Variants in KATNAL1 observed in about 807,000 individuals in gnomAD.
KATNAL1 encodes katanin p60 ATPase-containing subunit A-like 1.
A neutral mutation model predicts 55.2 loss-of-function variants in KATNAL1; 32 were observed. The observed-to-expected ratio is 0.58, with a 90% CI of 0.44 to 0.78. The LOEUF is 0.78. Ranked by LOEUF, KATNAL1 falls within the 30% of genes least tolerant of loss-of-function variation. The pLI, the probability that KATNAL1 is intolerant of heterozygous loss-of-function variation, is 0.00. For synonymous variants in KATNAL1, 193 were observed against 193.6 expected, an observed-to-expected ratio of 1.00 and a Z score of 0.02; for missense variants, 466 against 600.9, an observed-to-expected ratio of 0.78 and a Z score of 2.35.
intron 1 of KATNAL1, among the ~76,000 whole-genome samples, chr13:30,301,455 T>C (rs922793467): frequency 6.6e-6 from 1 of 152,254 alleles, no homozygotes. Flanking sequence ...GCGATGTTTA[T>C]TGAATGCTAA....
intron 4 of KATNAL1, 40 bp from the exon 5 acceptor site, chr13:30,241,126 G>C (rs377738372): frequency 1.9e-5 from 29 of 1,550,938 alleles, no homozygotes; most frequent in Non-Finnish European, 2.3e-5. Context: ...GTCAGTAATG[G>C]ATAATTTAGT....
chr13:30,235,015 T>C lies in KATNAL1; in HGVS notation c.727-3543A>G, dbSNP rs143843135. On this transcript the variant is annotated intron_variant, in intron 6 of 10. Coordinates refer to ENST00000380615, the MANE Select transcript of KATNAL1 (RefSeq NM_032116.5). The stretch of plus-strand genomic sequence containing the variant: ...AAAACCAACCATGTGATTAGAGAGC[T>C]GGGGCTTTGAGCCATGTGGTATCAA... Among the ~76,000 whole-genome samples, 374 of 152,276 alleles carry C rather than the reference T, an allele frequency of 2.5e-3. 1 individual carries two copies. Among genetic ancestry groups the C allele is most frequent in the Admixed American group, 0.011 (175 of 15,294 alleles).
chr13:30,217,791 G>T (rs1254294011), intron 9 of KATNAL1, among the ~76,000 whole-genome samples: 1 of 152,106 alleles, frequency 6.6e-6, no homozygotes, highest in Non-Finnish European at 1.5e-5. Context: ...ACGGTTAGGT[G>T]AGTTGATGCA....
chr13:30,224,510 G>C (rs1875238251), intron 9 of KATNAL1, among the ~76,000 whole-genome samples: 1 of 151,594 alleles, frequency 6.6e-6, no homozygotes, highest in South Asian at 2.1e-4. Flanking sequence ...CTCCAGCCTG[G>C]GTAACAGAGC....
intron 3 of KATNAL1, among the ~76,000 whole-genome samples, chr13:30,271,503 T>TG (rs1246384159): frequency 6.6e-6 from 1 of 151,722 alleles, no homozygotes; most frequent in Non-Finnish European, 1.5e-5. Context: ...AGCAAGAGGT[T>TG]GGGGGGTGCG....
intron 10 of KATNAL1, among the ~76,000 whole-genome samples, chr13:30,209,698 A>G (rs557677604): frequency 6.6e-6 from 1 of 152,404 alleles, no homozygotes; most frequent in African/African-American, 2.4e-5. Flanking sequence ...ATATTACTTT[A>G]GGTTGATGCA....
At chr13:30,251,224 T>C (rs1005296337) in intron 4 of KATNAL1, among the ~76,000 whole-genome samples, 9 of 145,656 alleles carry the variant, frequency 6.2e-5, no homozygotes, top group East Asian at 4.2e-4. Flanking sequence ...TGCTACCTAA[T>C]ATTTTACTTT....
intron 10 of KATNAL1, among the ~76,000 whole-genome samples, chr13:30,209,845 G>A (rs1045317234): frequency 1.1e-4 from 17 of 151,880 alleles, no homozygotes; most frequent in African/African-American, 2.4e-4. Context: ...GCAGTGGCGC[G>A]ATCTCGGCTC....
chr13:30,298,140 A>T (rs1882638478), intron 1 of KATNAL1, among the ~76,000 whole-genome samples: 1 of 152,276 alleles, frequency 6.6e-6, no homozygotes, highest in African/African-American at 2.4e-5. Context: ...CTGGGAAACC[A>T]GAAAATTTGT....
chr13:30,229,768 G>A (rs929371859), intron 8 of KATNAL1, among the ~76,000 whole-genome samples: 1 of 152,068 alleles, frequency 6.6e-6, no homozygotes, highest in African/African-American at 2.4e-5. Context: ...TGTGTGTGGA[G>A]TGTATCTATC....
rs371607943 is a variant in KATNAL1, at chr13:30,283,663, G to C, written c.115C>G (p.His39Asp). ...YQGVMQQIQR[H>D]CQSVRDPAIK... is the part of the protein sequence containing the mutation. ...GCTGGATCTCTGACTGACTGGCAATGTCTCTGAATCTGCTGCATCACCCCC... is the reference window on the plus strand; with the variant it reads ...GCTGGATCTCTGACTGACTGGCAATCTCTCTGAATCTGCTGCATCACCCCC... The change falls in exon 2 of 11, where the codon CAT (histidine) becomes GAT (aspartate). Residue 39 changes from histidine (H) to aspartate (D), a missense_variant. His to Asp is a moderately conservative substitution (Grantham distance 81). Coordinates refer to ENST00000380615, the MANE Select transcript of KATNAL1 (RefSeq NM_032116.5). 1.2e-6 allele frequency: 2 copies of C among 1,613,938 alleles called. No individual in the cohort carries two copies. Among genetic ancestry groups the C allele is most frequent in the Non-Finnish European group, 1.7e-6 (2 of 1,179,948 alleles).
At chr13:30,297,021 G>T (rs534729437) in intron 1 of KATNAL1, among the ~76,000 whole-genome samples, 51 of 152,136 alleles carry the variant, frequency 3.4e-4, no homozygotes, top group African/African-American at 1.2e-3. Context: ...TGTGGTCCTA[G>T]CTACTCAAGA....
chr13:30,242,803 CAA>C (rs899143644), intron 4 of KATNAL1, among the ~76,000 whole-genome samples: 2 of 151,462 alleles, frequency 1.3e-5, no homozygotes, highest in African/African-American at 4.9e-5. Flanking sequence ...TCGAGGACTA[CAA>C]AAAAGATTCT....
At chr13:30,215,046 G>A (rs994904358) in intron 9 of KATNAL1, among the ~76,000 whole-genome samples, 1 of 151,372 alleles carries the variant, frequency 6.6e-6, no homozygotes, top group Non-Finnish European at 1.5e-5. Context: ...CTAATATCCA[G>A]AATCTACAAT....
intron 9 of KATNAL1, among the ~76,000 whole-genome samples, chr13:30,225,215 T>G (rs1265390850): frequency 6.6e-6 from 1 of 152,218 alleles, no homozygotes; most frequent in South Asian, 2.1e-4. Context: ...CCCCCACAGG[T>G]AGAGTTTGTC....
At chr13:30,260,348 C>A (rs1879171957) in intron 3 of KATNAL1, among the ~76,000 whole-genome samples, 1 of 152,206 alleles carries the variant, frequency 6.6e-6, no homozygotes, top group African/African-American at 2.4e-5. Flanking sequence ...AGTTCCTCAC[C>A]AGCAACGCAA....
chr13:30,252,799 G>A (rs1878443167), intron 4 of KATNAL1, among the ~76,000 whole-genome samples: 1 of 151,202 alleles, frequency 6.6e-6, no homozygotes, highest in Non-Finnish European at 1.5e-5. Context: ...CTGGAGTGCA[G>A]TGGCTGGATC....
chr13:30,296,637 G>C, intron 1 of KATNAL1: 2 of 691,948 alleles, frequency 2.9e-6, no homozygotes, highest in Non-Finnish European at 2.7e-6. Flanking sequence ...GTACACGGAC[G>C]AGCACAGGGA....
intron 1 of KATNAL1, among the ~76,000 whole-genome samples, chr13:30,287,435 G>A (rs926003724): frequency 3.3e-5 from 5 of 152,076 alleles, no homozygotes; most frequent in South Asian, 4.1e-4. Context: ...GGTGCCTTCC[G>A]CCATGATTGT....
Sources: gnomAD v4.1 joint callset for allele counts (sites outside exome capture counted in the v4.1 genomes callset) on GRCh38, gnomAD v4.1.1 for gene constraint, MANE v1.5 for transcripts, NCBI Gene and HGNC (gene_info 2026-07-23, HGNC 2026-07-21) for gene names.